The following MTRF1 variants were observed in gnomAD, a reference collection of about 807,000 sequenced individuals.
The protein encoded by MTRF1 is peptide chain release factor 1, mitochondrial.
In MTRF1, 51 loss-of-function variants were observed where a neutral mutation model predicts 62.9. The observed-to-expected ratio is 0.81, with a 90% CI of 0.65 to 1.02. MTRF1 has a LOEUF of 1.02. MTRF1 is among the 50% of genes least tolerant of loss of function. The pLI, the probability that MTRF1 is intolerant of heterozygous loss-of-function variation, is 0.00. For missense variants in MTRF1, 446 were observed against 530.0 expected, an observed-to-expected ratio of 0.84 and a Z score of 1.56; for synonymous variants, 158 against 181.9, an observed-to-expected ratio of 0.87 and a Z score of 1.06.
At chr13:41,286,861 G>A in the MTRF1 span, among the ~76,000 whole-genome samples, 1 of 152,194 alleles carries the variant, frequency 6.6e-6, no homozygotes, top group Non-Finnish European at 1.5e-5. Flanking sequence ...ACAGTACGAT[G>A]TTATGTAATG....
At chr13:41,241,302 C>T (rs1334182839) in intron 5 of MTRF1, among the ~76,000 whole-genome samples, 3 of 152,118 alleles carry the variant, frequency 2.0e-5, no homozygotes, top group Non-Finnish European at 2.9e-5. Flanking sequence ...CGTTGGGGTC[C>T]CAAAGTGCTG....
At chr13:41,224,478 T>A (rs1324601768) in intron 8 of MTRF1, among the ~76,000 whole-genome samples, 2 of 152,256 alleles carry the variant, frequency 1.3e-5, no homozygotes, top group African/African-American at 4.8e-5. Flanking sequence ...AGAATTTTTT[T>A]AAATTATGGA....
At chr13:41,303,633 T>TC in the MTRF1 span, among the ~76,000 whole-genome samples, 15 of 152,126 alleles carry the variant, frequency 9.9e-5, no homozygotes, top group Non-Finnish European at 1.9e-4. Context: ...CCAGAGCTAC[T>TC]CCATCTTGAG....
At chr13:41,287,853 T>C in the MTRF1 span, 1 of 326,786 alleles carries the variant, frequency 3.1e-6, no homozygotes, top group Non-Finnish European at 6.1e-6. Flanking sequence ...AGCCAAGCAC[T>C]TCAGGTATTT....
chr13:41,299,750 G>A, the MTRF1 span, among the ~76,000 whole-genome samples: 21 of 149,600 alleles, frequency 1.4e-4, no homozygotes, highest in Admixed American at 1.4e-3. Flanking sequence ...TTTTTTTTCA[G>A]TGATAAACTG....
intron 5 of MTRF1, among the ~76,000 whole-genome samples, chr13:41,245,145 T>C (rs149998860): frequency 6.6e-6 from 1 of 152,330 alleles, no homozygotes; most frequent in East Asian, 1.9e-4. Context: ...TTCCTTCTGA[T>C]TTATTCATTT....
In MTRF1 at chr13:41,226,468, T is replaced by G. The variant is rs765460899; in HGVS notation, c.1089A>C (p.Lys363Asn). ...RARLYQQIIEKDKRQQQSARK... is the reference protein window; with the variant it reads ...RARLYQQIIENDKRQQQSARK... ...TAGCACTTTGTTGCTGACGCTTGTCTTTCTCAATAATCTGCTGGTAGAGTC... is the reference window on the plus strand; with the variant it reads ...TAGCACTTTGTTGCTGACGCTTGTCGTTCTCAATAATCTGCTGGTAGAGTC... Residue 363 changes from lysine (K) to asparagine (N), a missense_variant, in exon 8 of 10, where the codon AAA (lysine) becomes AAC (asparagine). Transcript: ENST00000379480. 1.4e-5 allele frequency: 22 copies of G among 1,613,328 alleles called. No individual in the cohort carries two copies. Among genetic ancestry groups the G allele is most frequent in the Non-Finnish European group, 1.8e-5 (21 of 1,179,920 alleles).
At chr13:41,274,135 T>G in the MTRF1 span, among the ~76,000 whole-genome samples, 1 of 152,212 alleles carries the variant, frequency 6.6e-6, no homozygotes, top group Non-Finnish European at 1.5e-5. Context: ...CCCCAAGATT[T>G]ATTTTACTTT....
rs897097887 is a variant in MTRF1 at position 41,216,860 on chromosome 13, A to G, written c.*255T>C. On this transcript the variant is annotated 3_prime_UTR_variant, in exon 10 of 10. Transcript: ENST00000379480. ...TGACTTGTCCTAAATGACACAATCA[A>G]TTCTCAATACTTTCTCTTTTCAATG... 1 of 234,234 alleles carries G rather than the reference A, an allele frequency of 4.3e-6. No individual in the cohort carries two copies. The highest frequency in any genetic ancestry group is 8.9e-5 in the East Asian group (1 of 11,262). The allele number at this position is 234,234 out of a possible 1,614,324, so 14.5% of individuals were successfully genotyped here.
At chr13:41,300,665 T>C in the MTRF1 span, among the ~76,000 whole-genome samples, 1 of 152,096 alleles carries the variant, frequency 6.6e-6, no homozygotes, top group Non-Finnish European at 1.5e-5. Flanking sequence ...CTGCCTCAGC[T>C]TCCCTGAGTG....
Position 41,228,797 on chromosome 13 carries a change from G to A in MTRF1, c.989-2229C>T, listed in dbSNP as rs1206745510. On this transcript the variant is annotated intron_variant, in intron 7 of 9. Transcript: ENST00000379480. The stretch of plus-strand genomic sequence containing the variant: ...GAAAATGAAATTATCTAGAAGCAGT[G>A]GTTAGAAAAAAAATACGATTCTTCC... Among the ~76,000 whole-genome samples, 5 of 151,970 alleles carry A rather than the reference G, an allele frequency of 3.3e-5. No homozygotes were observed. The South Asian group carries it at 6.2e-4, about 19-fold the overall frequency.
the MTRF1 span, among the ~76,000 whole-genome samples, chr13:41,295,669 C>T: frequency 6.6e-6 from 1 of 152,162 alleles, no homozygotes; most frequent in African/African-American, 2.4e-5. Flanking sequence ...GTTTCCACAA[C>T]CATGTAACTT....
In MTRF1 at chr13:41,216,972, A is replaced by G. The variant is rs1311930358; in HGVS notation, c.*143T>C. ...TCTTAGGTCAGGAAATGTGACTTCGATTAATTACAAAACATATATTTATGT... is the reference window on the plus strand; with the variant it reads ...TCTTAGGTCAGGAAATGTGACTTCGGTTAATTACAAAACATATATTTATGT... On this transcript the variant is annotated 3_prime_UTR_variant, in exon 10 of 10. Transcript: ENST00000379480. 4.2e-6 allele frequency: 2 copies of G among 472,210 alleles called. No homozygotes were observed. The highest frequency in any genetic ancestry group is 7.4e-6 in the Non-Finnish European group (2 of 268,974). The allele number at this position is 472,210 out of a possible 1,614,324, so 29.3% of individuals were successfully genotyped here. A position where few individuals can be genotyped will look rare whatever the true frequency, so the allele number is the denominator to read the frequency against.
the MTRF1 span, among the ~76,000 whole-genome samples, chr13:41,282,137 CA>C: frequency 0.017 from 1,346 of 79,420 alleles, 10 homozygotes; most frequent in East Asian, 0.041. Flanking sequence ...GACTCCGTCT[CA>C]AAAAAAAAAA....
the MTRF1 span, among the ~76,000 whole-genome samples, chr13:41,284,211 C>T: frequency 6.6e-6 from 1 of 151,454 alleles, no homozygotes; most frequent in Non-Finnish European, 1.5e-5. Context: ...TTAGGCCTAG[C>T]ACGGTGGCTC....
At chr13:41,303,572 A>G in the MTRF1 span, among the ~76,000 whole-genome samples, 2 of 152,214 alleles carry the variant, frequency 1.3e-5, no homozygotes, top group Admixed American at 1.3e-4. Flanking sequence ...TACAGGAGAA[A>G]ACCCAGAATT....
chr13:41,269,198 G>GTTTTTTT, the MTRF1 span, among the ~76,000 whole-genome samples: 4 of 50,578 alleles, frequency 7.9e-5, no homozygotes, highest in Non-Finnish European at 1.8e-4. Context: ...TTTTTTTTTT[G>GTTTTTTT]GTTTTTTTTT....
chr13:41,295,043 AC>A, the MTRF1 span, among the ~76,000 whole-genome samples: 1 of 152,178 alleles, frequency 6.6e-6, no homozygotes, highest in African/African-American at 2.4e-5. Context: ...CTTTTACTGT[AC>A]CTTGCTGCAT....
At chr13:41,222,613 A>T (rs1266935447) in intron 9 of MTRF1, among the ~76,000 whole-genome samples, 1 of 152,200 alleles carries the variant, frequency 6.6e-6, no homozygotes, top group Non-Finnish European at 1.5e-5. Flanking sequence ...GCAAGAAGAG[A>T]TTCAAAGTGG....
Sources: allele counts gnomAD v4.1 joint callset (sites outside exome capture counted in the v4.1 genomes callset), GRCh38; gene constraint gnomAD v4.1.1; transcripts MANE v1.5; gene names NCBI Gene and HGNC (gene_info 2026-07-23, HGNC 2026-07-21).